WDR44: variants seen among roughly 807,000 people sequenced by gnomAD.
The protein encoded by WDR44 is WD repeat domain 44.
Under a neutral mutation model 65.7 loss-of-function variants are expected in WDR44, and 9 were observed. That is an observed-to-expected ratio of 0.14 (90% CI 0.08 to 0.24). The LOEUF is 0.24. Ranked by LOEUF, WDR44 falls within the 10% of genes least tolerant of loss-of-function variation. WDR44 has a pLI of 1.00. For synonymous variants in WDR44, 220 were observed against 235.2 expected (o/e 0.94, Z 0.59); for missense variants, 425 against 670.9 (o/e 0.63, Z 4.05).
chrX:118,368,483 T>TATATATATATATATATC (rs1569359132), intron 1 of WDR44, among the ~76,000 whole-genome samples: 2 of 87,622 alleles, frequency 2.3e-5, no homozygotes, highest in African/African-American at 1.0e-4. Flanking sequence ...ATATATATAC[T>TATATATATATATATATC]TCTTGAGGAC....
rs183800954 is a variant in WDR44, at chrX:118,427,877, G to T, written c.1738-4904G>T. Among the ~76,000 whole-genome samples, 507 of 101,462 alleles carry T rather than the reference G, an allele frequency of 5.0e-3. 6 individuals are homozygous for T. The highest frequency in any genetic ancestry group is 0.017 in the African/African-American group (484 of 27,971). The allele number at this position is 101,462 out of a possible 115,157, so 88.1% of individuals were successfully genotyped here. On this transcript the variant is annotated intron_variant, in intron 12 of 19. Coordinates refer to ENST00000254029, the MANE Select transcript of WDR44 (RefSeq NM_019045.5). ...TTTTTAGTAGAGACGGGGTTTCACC[G>T]TGTTAGCCAGGATGGTCTTGATCTC...
intron 3 of WDR44, among the ~76,000 whole-genome samples, chrX:118,389,976 C>T (rs1449535320): frequency 3.6e-5 from 4 of 109,724 alleles, no homozygotes; most frequent in African/African-American, 9.9e-5. Context: ...TCACTGCAAC[C>T]TCCACCTCCT....
chrX:118,429,734 C>T (rs930772983), intron 12 of WDR44, among the ~76,000 whole-genome samples: 2 of 111,343 alleles, frequency 1.8e-5, no homozygotes, highest in South Asian at 3.7e-4. Flanking sequence ...GACAGAGTCT[C>T]GCTCAGGTTC....
rs779772268 is a variant in WDR44 at position 118,406,883 on chromosome X, A to G, written c.1390A>G (p.Thr464Ala). Residue 464 changes from threonine (T) to alanine (A), a missense_variant, in exon 10 of 20, where the codon ACT (threonine) becomes GCT (alanine). Physicochemically the swap from Thr to Ala is moderately conservative, Grantham distance 58. This residue lies in a region of WDR44 where 77 missense variants were observed against 183.5 expected (regional missense o/e 0.42). Transcript: ENST00000254029. ...GTTGCTTTTCTGTTCAGTGTTTCAT[A>G]CTGATCAAGATGATCCTTCATCAAG... is the stretch of plus-strand genomic sequence containing the variant. ...VKSVRDEVFH[T>A]DQDDPSSSDD... 5.0e-6 allele frequency: 6 copies of G among 1,206,394 alleles called. No individual in the cohort carries two copies. The South Asian group carries it at 1.1e-4, about 22-fold the overall frequency.
rs2056855917 is a variant in WDR44, at chrX:118,395,270, G to A, written c.979G>A (p.Gly327Arg). 8.3e-7 allele frequency: 1 copy of A among 1,208,257 alleles called. No homozygotes were observed. Among genetic ancestry groups the A allele is most frequent in the Admixed American group, 2.2e-5 (1 of 45,593 alleles). ...TAQENGKAPDGQTVAGEVMGP... is the reference protein window; with the variant it reads ...TAQENGKAPDRQTVAGEVMGP... The stretch of plus-strand genomic sequence containing the variant: ...CCAGGAAAATGGAAAAGCACCTGAT[G>A]GGCAGACTGTAGCAGGTGAAGTGAT... Residue 327 changes from glycine (G) to arginine (R), a missense_variant, in exon 6 of 20, where the codon GGG becomes AGG. Physicochemically the swap from Gly to Arg is moderately radical, Grantham distance 125. This residue lies in a region of WDR44 where 77 missense variants were observed against 183.5 expected (regional missense o/e 0.42). Coordinates refer to ENST00000254029, the MANE Select transcript of WDR44 (RefSeq NM_019045.5).
At chrX:118,420,839 A>G (rs1310201250) in intron 12 of WDR44, among the ~76,000 whole-genome samples, 2 of 112,553 alleles carry the variant, frequency 1.8e-5, no homozygotes, top group African/African-American at 6.5e-5. Context: ...CTTCATTTGT[A>G]TTCTAATAGT....
At chrX:118,418,555 G>A (rs1172916510) in intron 12 of WDR44, among the ~76,000 whole-genome samples, 4 of 111,512 alleles carry the variant, frequency 3.6e-5, no homozygotes, top group Non-Finnish European at 5.6e-5. Context: ...TCTCTCAGCC[G>A]TGGATACCAG....
chrX:118,438,026 AAAAT>A lies in WDR44; in HGVS notation c.1974+1206_1974+1209del, dbSNP rs1292825443. On this transcript the variant is annotated intron_variant, in intron 14 of 19. Coordinates refer to ENST00000254029, the MANE Select transcript of WDR44 (RefSeq NM_019045.5). ...GGGCAATAGAGCGAGACTCTGTCTC[AAAAT>A]AAAAAAAAAAAAAAGAGGAAGAAGA... Among the ~76,000 whole-genome samples, 234 of 94,554 alleles carry A rather than the reference AAAAT, an allele frequency of 2.5e-3. 3 individuals carry two copies. The highest frequency in any genetic ancestry group is 9.5e-3 in the African/African-American group (225 of 23,807). 82.1% of individuals were successfully genotyped at this position (94,554 alleles called of 115,157 possible). A position where few individuals can be genotyped will look rare whatever the true frequency, so the allele number is the denominator to read the frequency against.
At chrX:118,393,546 C>T (rs1366117997) in intron 4 of WDR44, among the ~76,000 whole-genome samples, 1 of 108,084 alleles carries the variant, frequency 9.3e-6, no homozygotes, top group Non-Finnish European at 1.9e-5. Context: ...GAGCCAAGGT[C>T]GCGCCATTGC....
intron 5 of WDR44, among the ~76,000 whole-genome samples, chrX:118,394,565 C>CT (rs149485055): frequency 0.13 from 13,519 of 104,527 alleles, 762 homozygotes; most frequent in Admixed American, 0.25. Context: ...GAATTGAAGA[C>CT]TTTTTTTTTT....
intron 14 of WDR44, among the ~76,000 whole-genome samples, chrX:118,437,472 ATGT>A (rs1182826848): frequency 8.9e-6 from 1 of 111,807 alleles, no homozygotes; most frequent in African/African-American, 3.2e-5. Flanking sequence ...GGGAAATCAC[ATGT>A]TGGTGCTGAC....
chrX:118,406,535 C>T (rs1020765986), intron 9 of WDR44, among the ~76,000 whole-genome samples: 5 of 111,533 alleles, frequency 4.5e-5, no homozygotes, highest in African/African-American at 1.3e-4. Flanking sequence ...TTATTCAGTG[C>T]CTGGGACTGT....
At chrX:118,436,681 T>G (rs764893953) in intron 13 of WDR44, 21 bp from the exon 14 acceptor site, 8 of 1,176,805 alleles carry the variant, frequency 6.8e-6, no homozygotes, top group Non-Finnish European at 9.1e-6. Context: ...GATAACATAG[T>G]CAATGTCATT....
intron 1 of WDR44, among the ~76,000 whole-genome samples, chrX:118,366,164 A>G (rs970064654): frequency 1.8e-5 from 2 of 111,903 alleles, no homozygotes; most frequent in Admixed American, 9.5e-5. Flanking sequence ...CAGTAATCTT[A>G]ATAGAAAAAA....
intron 3 of WDR44, 51 bp from the exon 4 acceptor site, chrX:118,392,581 G>T: frequency 9.5e-7 from 1 of 1,054,225 alleles, no homozygotes. Flanking sequence ...CTGTTACTGT[G>T]TTCTTATAAA....
At chrX:118,415,779 C>T (rs1440307907) in intron 12 of WDR44, among the ~76,000 whole-genome samples, 4 of 112,270 alleles carry the variant, frequency 3.6e-5, no homozygotes, top group Non-Finnish European at 7.5e-5. Context: ...GCTGGGATTA[C>T]AGGCATGAGC....
intron 2 of WDR44, among the ~76,000 whole-genome samples, chrX:118,379,945 T>C (rs745688703): frequency 8.7e-4 from 97 of 111,678 alleles, no homozygotes; most frequent in Non-Finnish European, 1.4e-3. Context: ...GATTACTGTT[T>C]ATGCTTATAG....
rs1000464229 is a variant in WDR44, at chrX:118,449,395, AT to A, written c.*418del. 80 of 108,777 alleles carry A rather than the reference AT, an allele frequency of 7.4e-4. No individual in the cohort carries two copies. Among genetic ancestry groups the A allele is most frequent in the East Asian group, 1.1e-3 (4 of 3,520 alleles). The allele number at this position is 108,777 out of a possible 1,213,427, so 9.0% of individuals were successfully genotyped here. On this transcript the variant is annotated 3_prime_UTR_variant, in exon 20 of 20. Transcript: ENST00000254029. Reference sequence around the variant, plus strand: ...GATAGTCTTGTTTCTAGCTTAAACAATTTTTTTTTTGCACAAAATTTCATTT... The same window carrying A: ...GATAGTCTTGTTTCTAGCTTAAACAATTTTTTTTTGCACAAAATTTCATTT...
chrX:118,376,490 C>G (rs1200532563), intron 1 of WDR44, among the ~76,000 whole-genome samples: 1 of 110,958 alleles, frequency 9.0e-6, no homozygotes, highest in Non-Finnish European at 1.9e-5. Flanking sequence ...GTGATTAGAT[C>G]ATCTTGAAGG....
Sources: gnomAD v4.1 joint callset for allele counts (sites outside exome capture counted in the v4.1 genomes callset) on GRCh38, gnomAD v4.1.1 for gene constraint, gnomAD v4.1.1 regional missense constraint, MANE v1.5 for transcripts, NCBI Gene and HGNC (gene_info 2026-07-23, HGNC 2026-07-21) for gene names.